TMCC3: variants seen among roughly 807,000 people sequenced by gnomAD.
TMCC3 encodes transmembrane and coiled-coil domain family 3, also known as transmembrane and coiled-coil domain protein 3.
A neutral mutation model predicts 40.2 loss-of-function variants in TMCC3; 28 were observed. The observed-to-expected ratio is 0.70, with a 90% confidence interval of 0.52 to 0.95. The LOEUF (loss-of-function observed/expected upper bound fraction) is 0.95, where lower values mean the gene tolerates loss of function less well. Ranked by LOEUF, TMCC3 falls within the 40% of genes least tolerant of loss-of-function variation. The pLI is 0.00. For missense variants in TMCC3, 554 were observed against 615.2 expected (o/e 0.90, Z 1.05); for synonymous variants, 255 against 248.5 (o/e 1.03, Z -0.25).
intron 1 of TMCC3, among the ~76,000 whole-genome samples, chr12:94,601,808 CAAAAAAAA>C (rs61372290): frequency 6.3e-4 from 48 of 76,706 alleles, no homozygotes; most frequent in African/African-American, 1.4e-3. Context: ...GACCTGGTCT[CAAAAAAAA>C]AAAAAAAAAA....
chr12:94,642,808 C>A (rs1473148448), intron 1 of TMCC3, among the ~76,000 whole-genome samples: 1 of 152,204 alleles, frequency 6.6e-6, no homozygotes, highest in African/African-American at 2.4e-5. Flanking sequence ...CGTACTACAC[C>A]GTTTAATTCT....
At chr12:94,624,127 A>G (rs1044747236) in intron 1 of TMCC3, among the ~76,000 whole-genome samples, 3 of 152,218 alleles carry the variant, frequency 2.0e-5, no homozygotes, top group Admixed American at 6.5e-5. Context: ...AAAGACAGAT[A>G]ATAATAAGCA....
intron 1 of TMCC3, among the ~76,000 whole-genome samples, chr12:94,598,088 T>C (rs2068729356): frequency 6.6e-6 from 1 of 152,234 alleles, no homozygotes; most frequent in Non-Finnish European, 1.5e-5. Context: ...CTTATCAGCA[T>C]CAAATAATTT....
chr12:94,647,876 T>A (rs576684415), intron 1 of TMCC3, among the ~76,000 whole-genome samples: 1 of 152,358 alleles, frequency 6.6e-6, no homozygotes, highest in Non-Finnish European at 1.5e-5. Flanking sequence ...TCAACCCTGC[T>A]TGAGAAAAGT....
intron 1 of TMCC3, chr12:94,609,871 G>A (rs1434393032): frequency 1.3e-5 from 2 of 152,068 alleles, no homozygotes; most frequent in Non-Finnish European, 2.9e-5. Flanking sequence ...GGCTATAGAT[G>A]AGGATACTTA....
chr12:94,600,547 AT>A lies in TMCC3; in HGVS notation c.79-18010del, dbSNP rs1458365183. Among the ~76,000 whole-genome samples, 5 of 152,134 alleles carry A rather than the reference AT, an allele frequency of 3.3e-5. No homozygotes were observed. In the East Asian group the frequency reaches 9.6e-4, roughly 29 times the overall value. On this transcript the variant is annotated intron_variant, in intron 1 of 3. Coordinates refer to ENST00000261226, the MANE Select transcript of TMCC3 (RefSeq NM_020698.4). ...CTTGCTGGTACTTAAGCCCTGAGTA[AT>A]TTTTCCTATTCAACTTCCAATGTCT...
In TMCC3 at chr12:94,578,534, A is replaced by C; in HGVS notation, c.996-5T>G. 1 of 1,611,976 alleles carries C rather than the reference A, an allele frequency of 6.2e-7. No individual in the cohort carries two copies. The highest frequency in any genetic ancestry group is 1.1e-5 in the South Asian group (1 of 90,858). On this transcript the variant is annotated splice_polypyrimidine_tract_variant and splice_region_variant and intron_variant, in intron 2 of 3. Coordinates refer to ENST00000261226, the MANE Select transcript of TMCC3 (RefSeq NM_020698.4). ...TGGTCCTCCAGTCGCTCATACCTTT[A>C]AAAGAGAGGAGCCGATTCCCAGTGT...
chr12:94,587,105 C>A (rs1037740257), intron 1 of TMCC3, among the ~76,000 whole-genome samples: 6 of 152,216 alleles, frequency 3.9e-5, no homozygotes, highest in Non-Finnish European at 8.8e-5. Flanking sequence ...CAGTCCTCCA[C>A]CCTTCGTTTA....
intron 3 of TMCC3, among the ~76,000 whole-genome samples, chr12:94,575,762 C>T (rs534543983): frequency 6.6e-6 from 1 of 152,120 alleles, no homozygotes; most frequent in East Asian, 1.9e-4. Flanking sequence ...TAAAATAGAA[C>T]GACTTCGTGA....
chr12:94,588,007 C>T (rs935024044), intron 1 of TMCC3, among the ~76,000 whole-genome samples: 1 of 152,188 alleles, frequency 6.6e-6, no homozygotes, highest in African/African-American at 2.4e-5. Flanking sequence ...TCCACTGTCA[C>T]CCCAATGCTC....
At chr12:94,612,186 G>A (rs2068820099) in intron 1 of TMCC3, among the ~76,000 whole-genome samples, 1 of 152,186 alleles carries the variant, frequency 6.6e-6, no homozygotes, top group Non-Finnish European at 1.5e-5. Context: ...TTTTTGTAGA[G>A]ACGAGGTTTC....
intron 1 of TMCC3, among the ~76,000 whole-genome samples, chr12:94,626,135 C>T (rs2068903106): frequency 6.6e-6 from 1 of 152,114 alleles, no homozygotes; most frequent in Non-Finnish European, 1.5e-5. Context: ...GAAAAAACTA[C>T]CATTTATAAA....
intron 1 of TMCC3, chr12:94,598,744 G>A (rs1487017969): frequency 1.0e-6 from 1 of 985,388 alleles, no homozygotes; most frequent in Non-Finnish European, 1.2e-6. Context: ...CCAAAGATTC[G>A]TGTTTCAGGC....
At chr12:94,628,180 C>T (rs1331284138) in intron 1 of TMCC3, among the ~76,000 whole-genome samples, 4 of 152,206 alleles carry the variant, frequency 2.6e-5, no homozygotes, top group Admixed American at 1.3e-4. Context: ...CTTTTCCATA[C>T]CACATGTTGT....
At chr12:94,648,597 G>A (rs1351885362) in intron 1 of TMCC3, among the ~76,000 whole-genome samples, 1 of 152,202 alleles carries the variant, frequency 6.6e-6, no homozygotes, top group African/African-American at 2.4e-5. Flanking sequence ...GACTGGCGTA[G>A]ACAGGCAACA....
rs1462388901 is a variant in TMCC3 at position 94,611,054 on chromosome 12, C to T, written c.79-28516G>A. Reference sequence around the variant, plus strand: ...ATACCTGCAAAATTTCATTAGCACACTTAAGATACTTCCTTGTCTCCTCCA... The same window carrying T: ...ATACCTGCAAAATTTCATTAGCACATTTAAGATACTTCCTTGTCTCCTCCA... On this transcript the variant is annotated intron_variant, in intron 1 of 3. Transcript: ENST00000261226. 2.6e-5 allele frequency among the ~76,000 whole-genome samples: 4 copies of T among 152,148 alleles called. No homozygotes were observed. The East Asian group carries it at 7.7e-4, about 29-fold the overall frequency.
intron 1 of TMCC3, among the ~76,000 whole-genome samples, chr12:94,602,338 A>T (rs2068757979): frequency 6.6e-6 from 1 of 152,244 alleles, no homozygotes; most frequent in Non-Finnish European, 1.5e-5. Flanking sequence ...TACTGAGAAC[A>T]ATCCTTGTGG....
chr12:94,584,164 G>A (rs1250920216), intron 1 of TMCC3, among the ~76,000 whole-genome samples: 2 of 152,122 alleles, frequency 1.3e-5, no homozygotes, highest in African/African-American at 4.8e-5. Context: ...CTGGTGGGAG[G>A]TGATCGAATC....
intron 1 of TMCC3, among the ~76,000 whole-genome samples, chr12:94,614,114 A>C (rs113901786): frequency 4.0e-5 from 6 of 151,814 alleles, no homozygotes; most frequent in African/African-American, 1.4e-4. Context: ...AAAAAAAAAA[A>C]AACTATGGAG....
Sources: gnomAD v4.1 joint callset for allele counts (sites outside exome capture counted in the v4.1 genomes callset) on GRCh38, gnomAD v4.1.1 for gene constraint, MANE v1.5 for transcripts, NCBI Gene and HGNC (gene_info 2026-07-23, HGNC 2026-07-21) for gene names.